Variants in FER observed in about 807,000 individuals in gnomAD.
The protein encoded by FER is FER tyrosine kinase.
Under a neutral mutation model 111.0 loss-of-function variants are expected in FER, and 63 were observed. That is an observed-to-expected ratio of 0.57 (90% confidence interval 0.46 to 0.70). FER has a LOEUF of 0.70. Ranked by LOEUF, FER falls within the 30% of genes least tolerant of loss-of-function variation. FER has a pLI of 0.00. For missense variants in FER, 914 were observed against 954.0 expected (o/e 0.96, Z 0.55); for synonymous variants, 327 against 313.9 (o/e 1.04, Z -0.44).
At chr5:109,085,746 G>C (rs1251723594) in intron 16 of FER, among the ~76,000 whole-genome samples, 1 of 151,620 alleles carries the variant, frequency 6.6e-6, no homozygotes, top group Non-Finnish European at 1.5e-5. Flanking sequence ...TTTGCGGAGA[G>C]ATTTTTAAAA....
At chr5:109,052,653 A>AGCT (rs1773009367) in intron 16 of FER, among the ~76,000 whole-genome samples, 1 of 152,202 alleles carries the variant, frequency 6.6e-6, no homozygotes. Flanking sequence ...ACCTCGTAAA[A>AGCT]GCTGCTACTC....
chr5:108,976,256 A>G (rs1761323032), intron 13 of FER, among the ~76,000 whole-genome samples: 2 of 152,136 alleles, frequency 1.3e-5, no homozygotes. Flanking sequence ...CTGATAACTC[A>G]TCTACTTCTC....
chr5:108,873,084 T>C (rs1408226091), intron 8 of FER, among the ~76,000 whole-genome samples: 1 of 152,082 alleles, frequency 6.6e-6, no homozygotes. Context: ...TTAGCTAAGG[T>C]AGGAAATGCA....
chr5:109,052,302 A>G lies in FER; in HGVS notation c.1924+5104A>G, dbSNP rs746080665. ...AACCAGGTTGCTGAGTGTTACAACGAAAGGCAGACTGCTCATCTCCCCAGG... is the reference window on the plus strand; with the variant it reads ...AACCAGGTTGCTGAGTGTTACAACGGAAGGCAGACTGCTCATCTCCCCAGG... On this transcript the variant is annotated intron_variant, in intron 16 of 19. Transcript: ENST00000281092. The G allele has an allele frequency of 1.5e-5, 24 of 1,608,844 alleles. No individual in the cohort carries two copies. The South Asian group carries it at 2.6e-4, about 18-fold the overall frequency.
chr5:108,847,641 TTCTTCTTGTAGTTCTA>T (rs1352649311), intron 5 of FER, among the ~76,000 whole-genome samples: 2 of 152,162 alleles, frequency 1.3e-5, no homozygotes, highest in Non-Finnish European at 2.9e-5. Context: ...ATTTGTGTAT[TTCTTCTTGTAGTTCTA>T]TCAGTTTTTA....
intron 13 of FER, among the ~76,000 whole-genome samples, chr5:109,003,670 A>G (rs1158684874): frequency 6.6e-6 from 1 of 152,014 alleles, no homozygotes; most frequent in Non-Finnish European, 1.5e-5. Flanking sequence ...GCATTCAAAA[A>G]TTTAAATTTA....
intron 10 of FER, among the ~76,000 whole-genome samples, chr5:108,937,948 G>A (rs1353797704): frequency 1.3e-5 from 2 of 150,166 alleles, no homozygotes; most frequent in African/African-American, 4.9e-5. Context: ...GAAGGGAGAG[G>A]TTCATCCTTC....
intron 16 of FER, among the ~76,000 whole-genome samples, chr5:109,047,494 G>A (rs1034860774): frequency 1.3e-5 from 2 of 152,200 alleles, no homozygotes; most frequent in African/African-American, 4.8e-5. Flanking sequence ...AAAAGGCAGT[G>A]TACTTAGACT....
intron 10 of FER, among the ~76,000 whole-genome samples, chr5:108,904,324 A>G (rs1750448146): frequency 6.6e-6 from 1 of 152,204 alleles, no homozygotes; most frequent in Non-Finnish European, 1.5e-5. Context: ...TTATTTTTAT[A>G]CATAGTGTGG....
At position 109,157,783 on chromosome 5, in the gene FER, T is replaced by G. The variant is rs528247205; in HGVS notation, c.2049-22964T>G. 9.9e-5 allele frequency among the ~76,000 whole-genome samples: 15 copies of G among 152,254 alleles called. No homozygotes were observed. The South Asian group carries it at 1.5e-3, about 15-fold the overall frequency. On this transcript the variant is annotated intron_variant, in intron 17 of 19. Transcript: ENST00000281092. ...TTGAATACTGGGGACTTGAGAACTT[T>G]GATGCATTTATTCAGCAAACATGTA...
intron 3 of FER, among the ~76,000 whole-genome samples, chr5:108,817,887 T>C (rs908675692): frequency 1.3e-5 from 2 of 152,202 alleles, no homozygotes; most frequent in African/African-American, 4.8e-5. Flanking sequence ...GTATAACTGG[T>C]ACTATTTACC....
chr5:109,175,893 C>T (rs936425478), intron 17 of FER, among the ~76,000 whole-genome samples: 1 of 152,112 alleles, frequency 6.6e-6, no homozygotes, highest in East Asian at 1.9e-4. Context: ...GTGGGAGAAT[C>T]GCATGAACGT....
At chr5:108,883,302 G>T in intron 8 of FER, 94 bp from the exon 9 acceptor site, 1 of 1,196,928 alleles carries the variant, frequency 8.4e-7, no homozygotes, top group Non-Finnish European at 1.1e-6. Context: ...CTACTGTTTT[G>T]GACATTGCAA....
chr5:109,159,344 A>G (rs551629191), intron 17 of FER, among the ~76,000 whole-genome samples: 1 of 152,172 alleles, frequency 6.6e-6, no homozygotes, highest in Admixed American at 6.5e-5. Context: ...CTTTTCTATC[A>G]CATATTTTTG....
intron 1 of FER, among the ~76,000 whole-genome samples, chr5:108,749,922 A>AT (rs1329086411): frequency 6.6e-6 from 1 of 152,180 alleles, no homozygotes; most frequent in Non-Finnish European, 1.5e-5. Context: ...TACGTTTGCG[A>AT]TTTTGCCATC....
intron 17 of FER, among the ~76,000 whole-genome samples, chr5:109,170,255 T>C (rs939606166): frequency 6.6e-6 from 1 of 152,190 alleles, no homozygotes; most frequent in African/African-American, 2.4e-5. Context: ...TCTTATTCCA[T>C]AGCCTAAGTG....
At chr5:108,819,146 G>T (rs181295747) in intron 3 of FER, among the ~76,000 whole-genome samples, 1 of 150,570 alleles carries the variant, frequency 6.6e-6, no homozygotes, top group African/African-American at 2.4e-5. Flanking sequence ...CTCCCGAGTA[G>T]CAGGGACTGC....
At chr5:109,038,997 A>G (rs1770779702) in intron 14 of FER, among the ~76,000 whole-genome samples, 1 of 152,072 alleles carries the variant, frequency 6.6e-6, no homozygotes, top group African/African-American at 2.4e-5. Context: ...TTTAAATAGA[A>G]GACTGTGACT....
intron 5 of FER, among the ~76,000 whole-genome samples, chr5:108,858,747 G>T (rs779061328): frequency 5.5e-5 from 8 of 146,170 alleles, no homozygotes; most frequent in Non-Finnish European, 1.0e-4. Flanking sequence ...CAACATTTGA[G>T]TTGGTAGACA....
Sources: allele counts gnomAD v4.1 joint callset (sites outside exome capture counted in the v4.1 genomes callset), GRCh38; gene constraint gnomAD v4.1.1; transcripts MANE v1.5; gene names NCBI Gene and HGNC (gene_info 2026-07-23, HGNC 2026-07-21).